GALNT18: variants seen among roughly 807,000 people sequenced by gnomAD.
GALNT18 encodes the protein polypeptide N-acetylgalactosaminyltransferase 18.
In GALNT18, 44 loss-of-function variants were observed where a neutral mutation model predicts 69.5. That is an observed-to-expected ratio of 0.63 (90% CI 0.50 to 0.81). GALNT18 has a LOEUF of 0.81. Among genes scored for constraint, GALNT18 ranks in the 40% least tolerant of loss-of-function variants. The pLI, the probability that GALNT18 is intolerant of heterozygous loss-of-function variation, is 0.00. For synonymous variants in GALNT18, 364 were observed against 318.2 expected (o/e 1.14, Z -1.53); for missense variants, 715 against 810.0 (o/e 0.88, Z 1.42).
chr11:11,433,337 T>A (rs1230840003), intron 2 of GALNT18, among the ~76,000 whole-genome samples: 1 of 152,140 alleles, frequency 6.6e-6, no homozygotes, highest in East Asian at 1.9e-4. Context: ...CAGAACAGGG[T>A]TGGAGCTAGA....
rs1340147660 is a variant in GALNT18, at chr11:11,341,415, A to G, written c.1093-411T>C. 6.6e-6 allele frequency among the ~76,000 whole-genome samples: 1 copy of G among 152,142 alleles called. No homozygotes were observed. The highest frequency in any genetic ancestry group is 1.5e-5 in the Non-Finnish European group (1 of 68,046). The stretch of plus-strand genomic sequence containing the variant: ...AAGGAGAACCAGCAAGACTCCCAGC[A>G]GAGACTTCCTCTTCAAATGGACCAC... On this transcript the variant is annotated intron_variant, in intron 6 of 10. Coordinates refer to ENST00000227756, the MANE Select transcript of GALNT18 (RefSeq NM_198516.3). This position sits in a 1 kb window ranked among gnomAD's most constrained non-coding sequence, Gnocchi z 6.3.
intron 1 of GALNT18, among the ~76,000 whole-genome samples, chr11:11,482,583 A>G (rs1856556452): frequency 6.6e-6 from 1 of 152,216 alleles, no homozygotes; most frequent in African/African-American, 2.4e-5. Flanking sequence ...CAGTCACACC[A>G]GCTTGGATTC....
At chr11:11,441,789 C>T (rs1855537171) in intron 2 of GALNT18, among the ~76,000 whole-genome samples, 1 of 152,186 alleles carries the variant, frequency 6.6e-6, no homozygotes, top group Non-Finnish European at 1.5e-5. Flanking sequence ...TCTCCCTCCT[C>T]CTCCAGGGCC....
intron 10 of GALNT18, among the ~76,000 whole-genome samples, chr11:11,275,427 T>C (rs1272048742): frequency 6.6e-6 from 1 of 152,220 alleles, no homozygotes; most frequent in Non-Finnish European, 1.5e-5. Context: ...TTGTAGATTC[T>C]GGATATTAGC....
intron 5 of GALNT18, among the ~76,000 whole-genome samples, chr11:11,376,326 G>A (rs934384500): frequency 6.6e-6 from 1 of 152,134 alleles, no homozygotes; most frequent in African/African-American, 2.4e-5. Context: ...AGGTTTCATT[G>A]AGCCGAGATC....
chr11:11,428,007 T>G (rs1280876446), intron 3 of GALNT18, among the ~76,000 whole-genome samples: 1 of 152,220 alleles, frequency 6.6e-6, no homozygotes, highest in Non-Finnish European at 1.5e-5. Flanking sequence ...ATCCCCACTT[T>G]AGACTTATCT....
intron 3 of GALNT18, among the ~76,000 whole-genome samples, chr11:11,424,152 C>T (rs137887824): frequency 4.7e-4 from 72 of 152,330 alleles, no homozygotes; most frequent in African/African-American, 1.7e-3. Context: ...GGACCCCAGC[C>T]ATCACCTGCA....
chr11:11,287,187 C>T (rs746875694), intron 10 of GALNT18, among the ~76,000 whole-genome samples: 1 of 152,206 alleles, frequency 6.6e-6, no homozygotes, highest in Non-Finnish European at 1.5e-5. Flanking sequence ...GAACACTGAC[C>T]TTTCTGAGCA....
rs150046284 is a variant in GALNT18, at chr11:11,367,272, T to C, written c.1092+5243A>G. ...CCTAGGAGCAGATAGTAAAAGGTCA[T>C]CCTGGAGGATGAGATATCTGTGTAA... On this transcript the variant is annotated intron_variant, in intron 6 of 10. Transcript: ENST00000227756. 9.0e-3 allele frequency among the ~76,000 whole-genome samples: 1,371 copies of C among 152,264 alleles called. 16 individuals carry two copies. Among genetic ancestry groups the C allele is most frequent in the African/African-American group, 0.03 (1,252 of 41,544 alleles).
At chr11:11,282,202 C>T (rs1849095029) in intron 10 of GALNT18, among the ~76,000 whole-genome samples, 2 of 152,172 alleles carry the variant, frequency 1.3e-5, no homozygotes, top group Non-Finnish European at 2.9e-5. Context: ...CGGAAAATTT[C>T]ATTCACAAAC....
Position 11,555,399 on chromosome 11 carries a change from G to GC in GALNT18, c.235+65959dup, listed in dbSNP as rs1275638796. 6.6e-6 allele frequency among the ~76,000 whole-genome samples: 1 copy of GC among 152,204 alleles called. No individual in the cohort carries two copies. The highest frequency in any genetic ancestry group is 2.4e-5 in the African/African-American group (1 of 41,442). On this transcript the variant is annotated intron_variant, in intron 1 of 10. Coordinates refer to ENST00000227756, the MANE Select transcript of GALNT18 (RefSeq NM_198516.3). The surrounding 1 kb of genome is among the most constrained non-coding windows in gnomAD (Gnocchi z 4.7). The stretch of plus-strand genomic sequence containing the variant: ...TTAATCCACGCTCCAGTGCTTAGGA[G>GC]CTCAGACTGCGACAGCATCAGCCCA...
rs1856863551 is a variant in GALNT18 at position 11,496,252 on chromosome 11, T to C, written c.236-47316A>G. ...TGATGATCTGCTGACTTCATTTGAT[T>C]GCAACCCTCTGCCTGAAAAATGACA... On this transcript the variant is annotated intron_variant, in intron 1 of 10. Transcript: ENST00000227756. This position sits in a 1 kb window ranked among gnomAD's most constrained non-coding sequence, Gnocchi z 4.0. Among the ~76,000 whole-genome samples, 1 of 152,222 alleles carries C rather than the reference T, an allele frequency of 6.6e-6. No individual in the cohort carries two copies. Among genetic ancestry groups the C allele is most frequent in the Admixed American group, 6.5e-5 (1 of 15,286 alleles).
chr11:11,352,276 C>G, intron 6 of GALNT18: 1 of 1,614,064 alleles, frequency 6.2e-7, no homozygotes, highest in African/African-American at 1.3e-5. Context: ...ACAAAGCGTT[C>G]CCATCGCTTT....
chr11:11,539,098 T>C (rs1436701965), intron 1 of GALNT18, among the ~76,000 whole-genome samples: 2 of 152,134 alleles, frequency 1.3e-5, no homozygotes, highest in African/African-American at 4.8e-5. Context: ...GCTGAACAAA[T>C]GGGAATGGTG....
At chr11:11,321,316 G>A (rs1849835265) in intron 9 of GALNT18, among the ~76,000 whole-genome samples, 1 of 152,200 alleles carries the variant, frequency 6.6e-6, no homozygotes, top group African/African-American at 2.4e-5. Context: ...GGACAAATGA[G>A]GAAGCCTTCT....
chr11:11,424,687 A>C (rs1855087315), intron 3 of GALNT18, among the ~76,000 whole-genome samples: 1 of 152,112 alleles, frequency 6.6e-6, no homozygotes, highest in Non-Finnish European at 1.5e-5. Context: ...CAGGTAAAAC[A>C]CAGCAGGATA....
chr11:11,417,082 T>C (rs1282582705), intron 3 of GALNT18, among the ~76,000 whole-genome samples: 1 of 152,204 alleles, frequency 6.6e-6, no homozygotes, highest in Non-Finnish European at 1.5e-5. Flanking sequence ...TTCCTTCCAA[T>C]GTCTCAAGAT....
intron 3 of GALNT18, among the ~76,000 whole-genome samples, chr11:11,385,940 G>A (rs2133704425): frequency 6.6e-6 from 1 of 151,962 alleles, no homozygotes; most frequent in Non-Finnish European, 1.5e-5. Flanking sequence ...GCAGACTGAG[G>A]TAGGAAGTCA....
rs1444108224 is a variant in GALNT18, at chr11:11,463,566, C to T, written c.236-14630G>A. ...GCGTGCCATCACTCCCAGCAGCTGTCGGCTCACTGGACGTCTTTTCATTAC... is the reference window on the plus strand; with the variant it reads ...GCGTGCCATCACTCCCAGCAGCTGTTGGCTCACTGGACGTCTTTTCATTAC... On this transcript the variant is annotated intron_variant, in intron 1 of 10. Coordinates refer to ENST00000227756, the MANE Select transcript of GALNT18 (RefSeq NM_198516.3). This position sits in a 1 kb window ranked among gnomAD's most constrained non-coding sequence, Gnocchi z 4.2. 6.6e-6 allele frequency among the ~76,000 whole-genome samples: 1 copy of T among 152,138 alleles called. No homozygotes were observed. The highest frequency in any genetic ancestry group is 2.4e-5 in the African/African-American group (1 of 41,416).
Sources: allele counts gnomAD v4.1 joint callset (sites outside exome capture counted in the v4.1 genomes callset), GRCh38; gene constraint gnomAD v4.1.1; non-coding constraint Gnocchi (gnomAD v3.1); transcripts MANE v1.5; gene names NCBI Gene and HGNC (gene_info 2026-07-23, HGNC 2026-07-21).